Variants in ASXL3 observed in about 807,000 individuals in gnomAD.
The protein encoded by ASXL3 is putative Polycomb group protein ASXL3.
ASXL3 carries 34 observed loss-of-function variants against 170.6 expected under a neutral mutation model. That is an observed-to-expected ratio of 0.20 (90% CI 0.15 to 0.27). The LOEUF is 0.27. ASXL3 is among the 10% of genes least tolerant of loss of function. The pLI is 1.00. For missense variants in ASXL3, 2,592 were observed against 2,695.3 expected, an observed-to-expected ratio of 0.96 and a Z score of 0.85; for synonymous variants, 1,002 against 989.1, an observed-to-expected ratio of 1.01 and a Z score of -0.24.
chr18:33,713,274 T>G (rs1360082365), intron 8 of ASXL3, among the ~76,000 whole-genome samples: 2 of 113,454 alleles, frequency 1.8e-5, no homozygotes, highest in Non-Finnish European at 3.5e-5. Context: ...TTTTTTTTTT[T>G]GAGACAGGGT....
Position 33,744,128 on chromosome 18 carries a change from A to G in ASXL3, c.4280A>G (p.Asp1427Gly). 1 of 1,614,038 alleles carries G rather than the reference A, an allele frequency of 6.2e-7. No homozygotes were observed. Among genetic ancestry groups the G allele is most frequent in the Non-Finnish European group, 8.5e-7 (1 of 1,179,900 alleles). Reference protein sequence around the residue: ...TGNMLTINSYDSPPKLSAESL... With the variant: ...TGNMLTINSYGSPPKLSAESL... ...AACATGCTGACAATAAACTCTTATG[A>G]TAGTCCTCCCAAGTTAAGTGCTGAA... The change falls in exon 12 of 12, where the codon GAT becomes GGT. Residue 1427 changes from aspartate (D) to glycine (G), a missense_variant. Transcript: ENST00000269197.
At chr18:33,600,353 T>C (rs962828618) in intron 1 of ASXL3, among the ~76,000 whole-genome samples, 1 of 152,140 alleles carries the variant, frequency 6.6e-6, no homozygotes, top group African/African-American at 2.4e-5. Context: ...ATTATTGTTA[T>C]ATTCAAAGGC....
At chr18:33,619,985 A>G (rs1459851245) in intron 2 of ASXL3, among the ~76,000 whole-genome samples, 3 of 152,120 alleles carry the variant, frequency 2.0e-5, no homozygotes, top group African/African-American at 7.2e-5. Context: ...TAGTTTCAGA[A>G]GCAGCATGAC....
At chr18:33,595,169 G>A (rs1284897788) in intron 1 of ASXL3, among the ~76,000 whole-genome samples, 1 of 152,098 alleles carries the variant, frequency 6.6e-6, no homozygotes, top group East Asian at 1.9e-4. Flanking sequence ...AAAGTTCTAG[G>A]TAAATAACTT....
chr18:33,580,964 G>C (rs2064986361), intron 1 of ASXL3, among the ~76,000 whole-genome samples: 1 of 152,094 alleles, frequency 6.6e-6, no homozygotes, highest in Admixed American at 6.5e-5. Flanking sequence ...AGAAATTTAT[G>C]ATTTGTATAA....
intron 5 of ASXL3, among the ~76,000 whole-genome samples, chr18:33,668,480 TTTTGTTTGCCTACAGACACATA>T (rs1399660963): frequency 4.5e-4 from 68 of 151,784 alleles, no homozygotes; most frequent in Admixed American, 1.0e-3. Flanking sequence ...AGGCATTTAG[TTTTGTTTGCCTACAGACACATA>T]ATGTGTGTCA....
At chr18:33,612,410 A>T (rs189523797) in intron 2 of ASXL3, among the ~76,000 whole-genome samples, 74 of 152,244 alleles carry the variant, frequency 4.9e-4, no homozygotes, top group Non-Finnish European at 8.8e-4. Flanking sequence ...TATTGTGTTT[A>T]GCGTTCCTCA....
chr18:33,586,121 A>T (rs1364185899), intron 1 of ASXL3, among the ~76,000 whole-genome samples: 1 of 152,178 alleles, frequency 6.6e-6, no homozygotes, highest in Non-Finnish European at 1.5e-5. Context: ...AAATTTCAGT[A>T]AATAGAAACT....
intron 2 of ASXL3, among the ~76,000 whole-genome samples, chr18:33,612,013 C>A (rs2065342627): frequency 6.6e-6 from 1 of 151,954 alleles, no homozygotes; most frequent in Admixed American, 6.6e-5. Context: ...GCATGACTTA[C>A]ATAGTGAGAG....
At chr18:33,741,341 A>G (rs982712726) in intron 11 of ASXL3, among the ~76,000 whole-genome samples, 3 of 152,164 alleles carry the variant, frequency 2.0e-5, no homozygotes, top group Non-Finnish European at 2.9e-5. Flanking sequence ...AATTGCATCA[A>G]TGTCAGTATC....
chr18:33,723,121 G>C (rs1191178187), intron 8 of ASXL3, among the ~76,000 whole-genome samples: 1 of 152,112 alleles, frequency 6.6e-6, no homozygotes, highest in African/African-American at 2.4e-5. Context: ...GATGTAAAAA[G>C]AGAATAATGT....
intron 7 of ASXL3, among the ~76,000 whole-genome samples, chr18:33,672,607 G>A (rs577042265): frequency 6.6e-6 from 1 of 152,298 alleles, no homozygotes; most frequent in Non-Finnish European, 1.5e-5. Context: ...TGTTTTAGCT[G>A]TGAATAGGAT....
In ASXL3 at chr18:33,739,488, T is replaced by G. The variant is rs1438463632; in HGVS notation, c.2084T>G (p.Met695Arg). The change falls in exon 11 of 12, where the codon ATG becomes AGG. Residue 695 changes from methionine (M) to arginine (R), a missense_variant. By Grantham distance (91) the Met-to-Arg change is moderately conservative. Transcript: ENST00000269197. ...CCTGAAATATCAGAAGCATCTCTTATGTCCAACTTACCATTAACATCTGAA... is the reference window on the plus strand; with the variant it reads ...CCTGAAATATCAGAAGCATCTCTTAGGTCCAACTTACCATTAACATCTGAA... Reference protein sequence around the residue: ...TSPEISEASLMSNLPLTSEAS... With the variant: ...TSPEISEASLRSNLPLTSEAS... 1 of 1,613,998 alleles carries G rather than the reference T, an allele frequency of 6.2e-7. No individual in the cohort carries two copies. The highest frequency in any genetic ancestry group is 8.5e-7 in the Non-Finnish European group (1 of 1,179,872).
intron 4 of ASXL3, among the ~76,000 whole-genome samples, chr18:33,659,092 A>G (rs1432897660): frequency 2.0e-5 from 3 of 152,084 alleles, no homozygotes; most frequent in Non-Finnish European, 4.4e-5. Context: ...AAATAGAGCA[A>G]CTGGTGAGCT....
At chr18:33,694,050 G>A (rs1238647615) in intron 8 of ASXL3, among the ~76,000 whole-genome samples, 1 of 152,198 alleles carries the variant, frequency 6.6e-6, no homozygotes, top group Non-Finnish European at 1.5e-5. Flanking sequence ...ATGGGTCAAA[G>A]TCATCTTCTT....
In ASXL3 at chr18:33,638,133, G is replaced by GTATA. The variant is rs146413821; in HGVS notation, c.138-6750_138-6747dup. On this transcript the variant is annotated intron_variant, in intron 2 of 11. Transcript: ENST00000269197. ...ATATGTATATATGTGCATGTGTATA[G>GTATA]TATATATATATATAATACACGCACA... Among the ~76,000 whole-genome samples, 261 of 148,580 alleles carry GTATA rather than the reference G, an allele frequency of 1.8e-3. 1 individual carries two copies. The highest frequency in any genetic ancestry group is 5.2e-3 in the African/African-American group (212 of 40,488).
intron 2 of ASXL3, chr18:33,625,632 A>C (rs1439933940): frequency 6.6e-6 from 1 of 152,144 alleles, no homozygotes; most frequent in Non-Finnish European, 1.5e-5. Context: ...TCTCAGGTCC[A>C]AATCTATCTA....
At chr18:33,695,644 T>C (rs978121584) in intron 8 of ASXL3, among the ~76,000 whole-genome samples, 1 of 152,136 alleles carries the variant, frequency 6.6e-6, no homozygotes, top group Non-Finnish European at 1.5e-5. Flanking sequence ...TAATAGGCAA[T>C]CTAACTTACA....
chr18:33,612,812 G>A (rs1338837148), intron 2 of ASXL3, among the ~76,000 whole-genome samples: 1 of 152,160 alleles, frequency 6.6e-6, no homozygotes, highest in Non-Finnish European at 1.5e-5. Context: ...AGAAATAAAC[G>A]CAAGTAATTT....
Sources: gnomAD v4.1 joint callset for allele counts (sites outside exome capture counted in the v4.1 genomes callset) on GRCh38, gnomAD v4.1.1 for gene constraint, MANE v1.5 for transcripts, NCBI Gene and HGNC (gene_info 2026-07-23, HGNC 2026-07-21) for gene names.